KCNJ6: variants seen among roughly 807,000 people sequenced by gnomAD.
KCNJ6 encodes G protein-activated inward rectifier potassium channel 2.
In KCNJ6, 9 loss-of-function variants were observed where a neutral mutation model predicts 34.2. The ratio of observed to expected loss-of-function variants is 0.26; its 90% CI spans 0.16 to 0.46. KCNJ6 has a LOEUF of 0.46. Among genes scored for constraint, KCNJ6 ranks in the 20% least tolerant of loss-of-function variants. The pLI is 1.00. For missense variants in KCNJ6, 236 were observed against 531.3 expected, an observed-to-expected ratio of 0.44 and a Z score of 5.46; for synonymous variants, 196 against 207.1, an observed-to-expected ratio of 0.95 and a Z score of 0.46.
At position 37,707,711 on chromosome 21, in the gene KCNJ6, T is replaced by TAGTGTGTGTGTGTGTGTGTGTGTGTGGGG. The variant is rs1569449122; in HGVS notation, c.946+6499_946+6500insCCCCACACACACACACACACACACACACT. 6.1e-5 allele frequency among the ~76,000 whole-genome samples: 2 copies of TAGTGTGTGTGTGTGTGTGTGTGTGTGGGG among 32,984 alleles called. 1 individual carries two copies. The highest frequency in any genetic ancestry group is 1.6e-3 in the East Asian group (2 of 1,230). 21.6% of individuals were successfully genotyped at this position (32,984 alleles called of 152,430 possible). The stretch of plus-strand genomic sequence containing the variant: ...CAGCACCTCAGGCTGCTTAGCTGTT[T>TAGTGTGTGTGTGTGTGTGTGTGTGTGGGG]AGTATCTGTGCATGTGTGTGTGTGA... On this transcript the variant is annotated intron_variant, in intron 3 of 3. Coordinates refer to ENST00000609713, the MANE Select transcript of KCNJ6 (RefSeq NM_002240.5).
In KCNJ6 at chr21:37,625,323, G is replaced by A; in HGVS notation, c.1108C>T (p.Leu370=). ...TCTGCCCTGCTGGCTAACTCGGCCA[G>A]CTCTTTGGCACTAAGGGATGGGGTG... ...TSTPSLSAKE[L]AELASRAELP... is the part of the protein sequence containing the mutation. The change falls in exon 4 of 4, where the codon CTG becomes TTG. Residue 370 remains leucine (L), a synonymous_variant. Transcript: ENST00000609713. 1.9e-6 allele frequency: 3 copies of A among 1,614,236 alleles called. 1 individual carries two copies. The South Asian group carries it at 3.3e-5, about 18-fold the overall frequency.
intron 3 of KCNJ6, among the ~76,000 whole-genome samples, chr21:37,683,732 G>A (rs1338816014): frequency 6.6e-6 from 1 of 152,204 alleles, no homozygotes. Flanking sequence ...TCCGGTGTGG[G>A]GAGCCTGAAG....
rs1262114081 is a variant in KCNJ6, at chr21:37,781,368, C to T, written c.25+59290G>A. On this transcript the variant is annotated intron_variant, in intron 2 of 3. Transcript: ENST00000609713. ...CAGTGACAGAGAAGTGTTCTCAGAGCCTGGCAGTGTTAGATTTAGAAAGAA... is the reference window on the plus strand; with the variant it reads ...CAGTGACAGAGAAGTGTTCTCAGAGTCTGGCAGTGTTAGATTTAGAAAGAA... Among the ~76,000 whole-genome samples, 3 of 152,090 alleles carry T rather than the reference C, an allele frequency of 2.0e-5. No individual in the cohort carries two copies. The South Asian group carries it at 6.2e-4, about 32-fold the overall frequency.
At chr21:37,805,434 C>T (rs1441166493) in intron 2 of KCNJ6, among the ~76,000 whole-genome samples, 1 of 151,812 alleles carries the variant, frequency 6.6e-6, no homozygotes, top group Non-Finnish European at 1.5e-5. Flanking sequence ...GCTGCCTCTT[C>T]CTTCCCCATT....
intron 2 of KCNJ6, among the ~76,000 whole-genome samples, chr21:37,840,079 A>C (rs2055472598): frequency 6.6e-6 from 1 of 152,250 alleles, no homozygotes; most frequent in Admixed American, 6.5e-5. Flanking sequence ...GATTACAGGC[A>C]TGAGCCACTG....
chr21:37,647,829 C>T (rs1484553359), intron 3 of KCNJ6, among the ~76,000 whole-genome samples: 4 of 152,190 alleles, frequency 2.6e-5, no homozygotes, highest in African/African-American at 9.7e-5. Context: ...GGTGTGGCCC[C>T]GACTTTGGGA....
At chr21:37,889,662 AG>A (rs1256364174) in intron 1 of KCNJ6, among the ~76,000 whole-genome samples, 2 of 152,222 alleles carry the variant, frequency 1.3e-5, no homozygotes, top group African/African-American at 2.4e-5. Flanking sequence ...TGAAGGCTCC[AG>A]GGAAGAATCC....
chr21:37,879,122 C>T (rs1271588303), intron 1 of KCNJ6, among the ~76,000 whole-genome samples: 1 of 152,110 alleles, frequency 6.6e-6, no homozygotes, highest in African/African-American at 2.4e-5. Context: ...TGGCTAGGTG[C>T]CAAGTACAGT....
intron 2 of KCNJ6, among the ~76,000 whole-genome samples, chr21:37,740,746 G>C (rs1277921783): frequency 2.0e-5 from 3 of 152,166 alleles, no homozygotes; most frequent in Non-Finnish European, 4.4e-5. Flanking sequence ...CCATTCCCCT[G>C]TTCCTGGAGG....
Position 37,715,262 on chromosome 21 carries a change from G to A in KCNJ6, c.26-131C>T, listed in dbSNP as rs1270149955. The stretch of plus-strand genomic sequence containing the variant: ...TGTAGCTATAAACAAAGTAGACAAA[G>A]CCATTTTTATTCCACACCATCTGGA... On this transcript the variant is annotated intron_variant, in intron 2 of 3. Coordinates refer to ENST00000609713, the MANE Select transcript of KCNJ6 (RefSeq NM_002240.5). The A allele has an allele frequency of 5.1e-6, 4 of 784,736 alleles. No individual in the cohort carries two copies. The Admixed American group carries it at 8.8e-5, about 17-fold the overall frequency. The allele number at this position is 784,736 out of a possible 1,614,324, so 48.6% of individuals were successfully genotyped here.
At chr21:37,875,065 G>A (rs1018514903) in intron 1 of KCNJ6, among the ~76,000 whole-genome samples, 8 of 152,124 alleles carry the variant, frequency 5.3e-5, no homozygotes, top group African/African-American at 1.2e-4. Flanking sequence ...GACGATTGGC[G>A]AGGTCCTGAG....
intron 1 of KCNJ6, among the ~76,000 whole-genome samples, chr21:37,889,899 T>C (rs1019562099): frequency 6.6e-6 from 1 of 152,218 alleles, no homozygotes; most frequent in Non-Finnish European, 1.5e-5. Flanking sequence ...TATTTCCAGG[T>C]AAAGCCACAT....
intron 2 of KCNJ6, among the ~76,000 whole-genome samples, chr21:37,718,038 C>A (rs2054803206): frequency 6.6e-6 from 1 of 152,162 alleles, no homozygotes; most frequent in Non-Finnish European, 1.5e-5. Flanking sequence ...ATCTGTTACT[C>A]CCCTAAAATC....
At position 37,807,143 on chromosome 21, in the gene KCNJ6, AAGCTTTCAAC is replaced by A. The variant is rs1568855726; in HGVS notation, c.25+33505_25+33514del. 4.6e-5 allele frequency among the ~76,000 whole-genome samples: 7 copies of A among 152,294 alleles called. No individual in the cohort carries two copies. In the South Asian group the frequency reaches 1.4e-3, roughly 32 times the overall value. ...GCTAACCTATTTGAGCATTTGGGGAAAGCTTTCAACAGCTAATGACCTACACTTACCCCAT... is the reference window on the plus strand; with the variant it reads ...GCTAACCTATTTGAGCATTTGGGGAAAGCTAATGACCTACACTTACCCCAT... On this transcript the variant is annotated intron_variant, in intron 2 of 3. Transcript: ENST00000609713.
At chr21:37,912,262 C>G (rs564799286) in intron 1 of KCNJ6, among the ~76,000 whole-genome samples, 1 of 152,126 alleles carries the variant, frequency 6.6e-6, no homozygotes, top group Non-Finnish European at 1.5e-5. Flanking sequence ...TTGGAGTATG[C>G]TATTGACTGA....
intron 2 of KCNJ6, among the ~76,000 whole-genome samples, chr21:37,794,579 T>G (rs1394778865): frequency 1.3e-5 from 2 of 152,204 alleles, no homozygotes; most frequent in African/African-American, 4.8e-5. Context: ...ATAGCTGCTG[T>G]GTAATAACCT....
chr21:37,651,185 C>T (rs2054431457), intron 3 of KCNJ6, among the ~76,000 whole-genome samples: 1 of 152,202 alleles, frequency 6.6e-6, no homozygotes, highest in Non-Finnish European at 1.5e-5. Context: ...CGATGTCACA[C>T]TACAGGGGGG....
chr21:37,725,616 C>A (rs1601439847), intron 2 of KCNJ6, among the ~76,000 whole-genome samples: 1 of 152,140 alleles, frequency 6.6e-6, no homozygotes, highest in Admixed American at 6.5e-5. Flanking sequence ...GTAGGTATCA[C>A]AATTTAGAAA....
chr21:37,843,259 AT>A (rs1277681123), intron 1 of KCNJ6, among the ~76,000 whole-genome samples: 3 of 152,118 alleles, frequency 2.0e-5, no homozygotes, highest in Admixed American at 6.5e-5. Context: ...TGTGCTGGAT[AT>A]CTTAGTCCTA....
Sources: allele counts gnomAD v4.1 joint callset (sites outside exome capture counted in the v4.1 genomes callset), GRCh38; gene constraint gnomAD v4.1.1; transcripts MANE v1.5; gene names NCBI Gene and HGNC (gene_info 2026-07-23, HGNC 2026-07-21).